Variants in PTK2 observed in about 807,000 individuals in gnomAD.
The protein encoded by PTK2 is protein tyrosine kinase 2, also known as focal adhesion kinase 1.
Under a neutral mutation model 150.1 loss-of-function variants are expected in PTK2, and 45 were observed. The observed-to-expected ratio is 0.30, with a 90% CI of 0.24 to 0.38. The LOEUF is 0.38. PTK2 is among the 10% of genes least tolerant of loss of function. The pLI is 1.00. For missense variants in PTK2, 919 were observed against 1,307.3 expected, an observed-to-expected ratio of 0.70 and a Z score of 4.58; for synonymous variants, 432 against 449.2, an observed-to-expected ratio of 0.96 and a Z score of 0.48.
chr8:140,857,451 T>A (rs2100133375), intron 5 of PTK2, among the ~76,000 whole-genome samples: 1 of 152,170 alleles, frequency 6.6e-6, no homozygotes, highest in Non-Finnish European at 1.5e-5. Context: ...TTAAGCATCA[T>A]AACAATTCAA....
chr8:140,826,842 T>C (rs746040578), intron 8 of PTK2, among the ~76,000 whole-genome samples: 1 of 152,006 alleles, frequency 6.6e-6, no homozygotes, highest in Non-Finnish European at 1.5e-5. Context: ...TGCTTGAACC[T>C]GAGTGGCCGA....
chr8:140,958,495 C>T (rs2100181979), intron 1 of PTK2, among the ~76,000 whole-genome samples: 1 of 152,024 alleles, frequency 6.6e-6, no homozygotes, highest in Non-Finnish European at 1.5e-5. Flanking sequence ...CATAACTCAT[C>T]GATTTTTCTT....
chr8:140,944,027 A>G (rs2100176788), intron 1 of PTK2, among the ~76,000 whole-genome samples: 1 of 152,188 alleles, frequency 6.6e-6, no homozygotes, highest in Non-Finnish European at 1.5e-5. Flanking sequence ...AGTACTGGGT[A>G]AAAATCTAAA....
intron 5 of PTK2, among the ~76,000 whole-genome samples, chr8:140,861,247 G>A (rs965681835): frequency 6.6e-6 from 1 of 151,484 alleles, no homozygotes; most frequent in African/African-American, 2.4e-5. Context: ...TACTCAGGAG[G>A]CTGAGGCAGG....
intron 4 of PTK2, among the ~76,000 whole-genome samples, chr8:140,867,979 T>C (rs994300683): frequency 6.6e-6 from 1 of 152,166 alleles, no homozygotes; most frequent in African/African-American, 2.4e-5. Flanking sequence ...TATTTCCACT[T>C]CCCTGCTATA....
chr8:140,717,759 A>C (rs1564990874), intron 22 of PTK2, 50 bp from the exon 26 acceptor site: 1 of 1,436,146 alleles, frequency 7.0e-7, no homozygotes, highest in Non-Finnish European at 9.8e-7. Flanking sequence ...CAGAGTTAGC[A>C]CACACTAGAC....
At chr8:140,675,644 G>T in intron 27 of PTK2, 145 bp from the exon 31 acceptor site, 1 of 628,216 alleles carries the variant, frequency 1.6e-6, no homozygotes, top group Non-Finnish European at 2.8e-6. Flanking sequence ...TCTGCATAAG[G>T]TCTCAGTTGG....
At chr8:140,985,021 TGA>T (rs201192006) in intron 1 of PTK2, among the ~76,000 whole-genome samples, 3,467 of 152,308 alleles carry the variant, frequency 0.023, 132 homozygotes, top group African/African-American at 0.078. Context: ...TGAGCTAGAA[TGA>T]GAGATCCCAA....
rs985423405 is a variant in PTK2, at chr8:140,793,878, G to A, written c.1094-494C>T. 9.2e-5 allele frequency among the ~76,000 whole-genome samples: 14 copies of A among 152,216 alleles called. No homozygotes were observed. The East Asian group carries it at 2.3e-3, about 25-fold the overall frequency. The stretch of plus-strand genomic sequence containing the variant: ...CCTGGAGCTGTCATCTAAAGGAGCC[G>A]TGCACACAGCTGGCTGGAAGGTGAG... On this transcript the variant is annotated intron_variant, in intron 12 of 31. Transcript: ENST00000522684.
intron 2 of PTK2, among the ~76,000 whole-genome samples, chr8:140,915,208 A>C (rs969990470): frequency 1.3e-5 from 2 of 152,126 alleles, no homozygotes; most frequent in African/African-American, 4.8e-5. Flanking sequence ...GGTTAAGAGC[A>C]AATAGAAAAG....
chr8:140,877,191 C>T (rs978311572), intron 4 of PTK2, among the ~76,000 whole-genome samples: 2 of 151,886 alleles, frequency 1.3e-5, no homozygotes, highest in African/African-American at 4.8e-5. Flanking sequence ...CGCCACCACG[C>T]CTGGCTAATT....
At chr8:140,921,141 C>T (rs910970362) in intron 2 of PTK2, 17 of 1,257,720 alleles carry the variant, frequency 1.4e-5, no homozygotes, top group Non-Finnish European at 1.6e-5. Flanking sequence ...ATCTGAAACA[C>T]AGACCATCCT....
chr8:140,851,840 C>G (rs2100129437), intron 5 of PTK2, among the ~76,000 whole-genome samples: 1 of 124,230 alleles, frequency 8.0e-6, no homozygotes, highest in African/African-American at 3.2e-5. Context: ...GCGTGGGTGA[C>G]AGAGAGAGAC....
At chr8:140,854,565 T>C (rs938900739) in intron 5 of PTK2, among the ~76,000 whole-genome samples, 8 of 152,246 alleles carry the variant, frequency 5.3e-5, no homozygotes, top group Admixed American at 2.0e-4. Context: ...TTTTTATAAA[T>C]TCCTGCTCTA....
At chr8:140,736,678 C>T (rs1421622553) in intron 21 of PTK2, among the ~76,000 whole-genome samples, 2 of 152,190 alleles carry the variant, frequency 1.3e-5, no homozygotes, top group African/African-American at 4.8e-5. Context: ...CACTGCTCTG[C>T]GCCTGGCTAT....
chr8:140,669,301 G>GTATATATAGATATA (rs2094252843), intron 29 of PTK2: 1 of 97,984 alleles, frequency 1.0e-5, no homozygotes, highest in Non-Finnish European at 1.9e-5. Flanking sequence ...GCATAAAATG[G>GTATATATAGATATA]TATATATATA....
intron 1 of PTK2, among the ~76,000 whole-genome samples, chr8:140,998,705 G>T (rs1188638678): frequency 6.6e-6 from 1 of 151,506 alleles, no homozygotes; most frequent in Non-Finnish European, 1.5e-5. Flanking sequence ...TGTAGTCCCA[G>T]CTACTTGGGA....
chr8:140,808,449 C>A (rs929677416), intron 10 of PTK2, among the ~76,000 whole-genome samples: 5 of 152,186 alleles, frequency 3.3e-5, no homozygotes, highest in Non-Finnish European at 7.3e-5. Flanking sequence ...CCTCTTATTT[C>A]ATAGGCACAG....
intron 16 of PTK2, among the ~76,000 whole-genome samples, chr8:140,760,225 AAAAAC>A (rs947853932): frequency 5.3e-5 from 8 of 152,246 alleles, no homozygotes; most frequent in South Asian, 2.1e-4. Context: ...CGTCTCACCA[AAAAAC>A]AAAACAAAAC....
Sources: gnomAD v4.1 joint callset for allele counts (sites outside exome capture counted in the v4.1 genomes callset) on GRCh38, gnomAD v4.1.1 for gene constraint, MANE v1.5 for transcripts, NCBI Gene and HGNC (gene_info 2026-07-23, HGNC 2026-07-21) for gene names.